The following WWOX variants were observed in gnomAD, a reference collection of about 807,000 sequenced individuals.
WWOX encodes WW domain containing oxidoreductase.
In WWOX, 69 loss-of-function variants were observed where a neutral mutation model predicts 46.2. That is an observed-to-expected ratio of 1.49 (90% CI 1.23 to 1.82). The LOEUF is 1.82. Ranked by LOEUF, WWOX falls within the 40% of genes most tolerant of loss-of-function variation. The probability of loss-of-function intolerance (pLI) is 0.00; values close to 1 mark genes in which losing one functional copy is unlikely to be tolerated. For synonymous variants in WWOX, 359 were observed against 202.6 expected (o/e 1.77, Z -6.56); for missense variants, 919 against 542.6 (o/e 1.69, Z -6.89).
chr16:78,730,012 C>T (rs368605710), intron 8 of WWOX, among the ~76,000 whole-genome samples: 7 of 152,250 alleles, frequency 4.6e-5, no homozygotes, highest in African/African-American at 1.7e-4. Context: ...CCTTGTGTTA[C>T]TTCCAGTTGT....
rs192130903 is a variant in WWOX at position 78,356,429 on chromosome 16, G to A, written c.517-30431G>A. On this transcript the variant is annotated intron_variant, in intron 5 of 8. Transcript: ENST00000566780. ...TTTCCTGTGGATTTGTGGACCCGTG[G>A]GAAAATCTCAGTCCCCAGGCAGGAA... is the stretch of plus-strand genomic sequence containing the variant. Among the ~76,000 whole-genome samples the A allele has an allele frequency of 2.9e-3, 445 of 152,180 alleles. 2 individuals are homozygous for A. Among genetic ancestry groups the A allele is most frequent in the African/African-American group, 0.01 (425 of 41,506 alleles).
chr16:78,143,036 G>GGA (rs2034040907), intron 4 of WWOX, among the ~76,000 whole-genome samples: 1 of 152,174 alleles, frequency 6.6e-6, no homozygotes. Flanking sequence ...ACACACAAAA[G>GGA]GAGAGGCAGG....
intron 8 of WWOX, among the ~76,000 whole-genome samples, chr16:78,882,940 G>A (rs1454629541): frequency 6.6e-6 from 1 of 152,114 alleles, no homozygotes; most frequent in Non-Finnish European, 1.5e-5. Context: ...ACCGGCACCA[G>A]CGATGTCGTA....
intron 8 of WWOX, among the ~76,000 whole-genome samples, chr16:78,509,961 A>T (rs180817236): frequency 6.6e-6 from 1 of 150,674 alleles, no homozygotes; most frequent in Non-Finnish European, 1.5e-5. Flanking sequence ...ATTAGCTGGC[A>T]TGGTGGCACA....
rs755805028 is a variant in WWOX, at chr16:78,501,843, G to A, written c.1056+69091G>A. On this transcript the variant is annotated intron_variant, in intron 8 of 8. Coordinates refer to ENST00000566780, the MANE Select transcript of WWOX (RefSeq NM_016373.4). ...TTACGTGAAACTAGCGATGCCCTGG[G>A]CTAATGAAATCAGGCTCCATGGTGG... 2.6e-5 allele frequency among the ~76,000 whole-genome samples: 4 copies of A among 152,132 alleles called. No homozygotes were observed. The South Asian group carries it at 6.2e-4, about 24-fold the overall frequency.
At chr16:78,228,300 A>G (rs1361374482) in intron 5 of WWOX, among the ~76,000 whole-genome samples, 1 of 150,606 alleles carries the variant, frequency 6.6e-6, no homozygotes, top group Non-Finnish European at 1.5e-5. Flanking sequence ...TTTTCTCCTC[A>G]GTAGACATTT....
chr16:78,786,688 G>T (rs910458264), intron 8 of WWOX, among the ~76,000 whole-genome samples: 4 of 152,082 alleles, frequency 2.6e-5, no homozygotes, highest in African/African-American at 9.7e-5. Flanking sequence ...AAGTAACTCT[G>T]TGCCCATAGT....
rs1440929041 is a variant in WWOX at position 78,321,384 on chromosome 16, ATATATATACG to A, written c.517-65457_517-65448del. Among the ~76,000 whole-genome samples the A allele has an allele frequency of 1.1e-4, 10 of 95,154 alleles. 1 individual carries two copies. The highest frequency in any genetic ancestry group is 6.2e-4 in the South Asian group (2 of 3,244). The allele number at this position is 95,154 out of a possible 152,430, so 62.4% of individuals were successfully genotyped here. On this transcript the variant is annotated intron_variant, in intron 5 of 8. Transcript: ENST00000566780. Reference sequence around the variant, plus strand: ...CGTATATATATACGTATATATGCGTATATATATACGTATATATACGTATATATATATGTGT... The same window carrying A: ...CGTATATATATACGTATATATGCGTATATATATACGTATATATATATGTGT...
intron 8 of WWOX, among the ~76,000 whole-genome samples, chr16:78,614,708 G>T (rs1024155350): frequency 6.6e-6 from 1 of 152,188 alleles, no homozygotes; most frequent in Non-Finnish European, 1.5e-5. Flanking sequence ...GAAGAGGGAC[G>T]GGGCCAACAG....
chr16:78,692,968 T>C (rs913747820), intron 8 of WWOX, among the ~76,000 whole-genome samples: 1 of 152,228 alleles, frequency 6.6e-6, no homozygotes, highest in East Asian at 1.9e-4. Flanking sequence ...CTTCTCTCCC[T>C]GGGGATGCCT....
At chr16:78,127,631 A>G (rs535904746) in intron 4 of WWOX, among the ~76,000 whole-genome samples, 13 of 152,002 alleles carry the variant, frequency 8.6e-5, no homozygotes, top group African/African-American at 2.9e-4. Context: ...TAAAACCGTT[A>G]TACCATGCAT....
chr16:78,469,531 C>G (rs1449193178), intron 8 of WWOX, among the ~76,000 whole-genome samples: 2 of 152,088 alleles, frequency 1.3e-5, no homozygotes, highest in African/African-American at 2.4e-5. Context: ...ACTAGACATT[C>G]CCTGGAAGCA....
intron 8 of WWOX, among the ~76,000 whole-genome samples, chr16:79,184,125 A>T (rs1289114290): frequency 6.6e-6 from 1 of 152,200 alleles, no homozygotes; most frequent in East Asian, 1.9e-4. Context: ...ATCACTGAAA[A>T]ATCTTCTGAA....
chr16:78,418,392 T>A (rs12051129), intron 6 of WWOX, among the ~76,000 whole-genome samples: 27 of 150,888 alleles, frequency 1.8e-4, no homozygotes, highest in African/African-American at 6.1e-4. Context: ...AGAATTAATA[T>A]CAATTTTCCA....
chr16:79,199,396 A>T (rs975419017), intron 8 of WWOX, among the ~76,000 whole-genome samples: 1 of 152,142 alleles, frequency 6.6e-6, no homozygotes, highest in Admixed American at 6.5e-5. Flanking sequence ...ATGTGTGCAG[A>T]ATTCCCCCTA....
chr16:78,764,243 GC>G (rs1413965573), intron 8 of WWOX, among the ~76,000 whole-genome samples: 1 of 151,826 alleles, frequency 6.6e-6, no homozygotes, highest in Non-Finnish European at 1.5e-5. Context: ...TTGTTAAACG[GC>G]TCCGCCTTCC....
chr16:78,942,688 C>A (rs1054342827), intron 8 of WWOX, among the ~76,000 whole-genome samples: 1 of 152,140 alleles, frequency 6.6e-6, no homozygotes, highest in Non-Finnish European at 1.5e-5. Context: ...CTAATGAGGA[C>A]CTTGAACTTA....
intron 5 of WWOX, among the ~76,000 whole-genome samples, chr16:78,165,568 G>A (rs1597294180): frequency 6.6e-6 from 1 of 152,150 alleles, no homozygotes; most frequent in Non-Finnish European, 1.5e-5. Flanking sequence ...AGGTGCAGAG[G>A]CCCTGGGAGG....
chr16:78,609,239 T>G (rs932817412), intron 8 of WWOX, among the ~76,000 whole-genome samples: 11 of 152,354 alleles, frequency 7.2e-5, no homozygotes, highest in African/African-American at 2.4e-4. Context: ...TTTTGGTGTT[T>G]GCATCTTGAA....
Sources: gnomAD v4.1 joint callset for allele counts (sites outside exome capture counted in the v4.1 genomes callset) on GRCh38, gnomAD v4.1.1 for gene constraint, MANE v1.5 for transcripts, NCBI Gene and HGNC (gene_info 2026-07-23, HGNC 2026-07-21) for gene names.